AP1G1: variants seen among roughly 807,000 people sequenced by gnomAD.
AP1G1 encodes the protein adaptor related protein complex 1 subunit gamma 1.
AP1G1 carries 7 observed loss-of-function variants against 108.3 expected under a neutral mutation model. The ratio of observed to expected loss-of-function variants is 0.06; its 90% confidence interval spans 0.04 to 0.12. The LOEUF (loss-of-function observed/expected upper bound fraction) is 0.12, where lower values mean the gene tolerates loss of function less well. AP1G1 is among the 10% of genes least tolerant of loss of function. AP1G1 has a pLI of 1.00. For missense variants in AP1G1, 756 were observed against 1,010.7 expected, an observed-to-expected ratio of 0.75 and a Z score of 3.42; for synonymous variants, 379 against 353.5, an observed-to-expected ratio of 1.07 and a Z score of -0.81.
rs1471269342 is a variant in AP1G1, at chr16:71,744,402, G to GA, written c.1999+741dup. ...TTGCCCTTCAGTTGCTTTAATTACA[G>GA]AAAGTGTGAAAGGGAAGAGGTAAGT... On this transcript the variant is annotated intron_variant, in intron 19 of 22. Transcript: ENST00000299980. Among the ~76,000 whole-genome samples, 10 of 152,180 alleles carry GA rather than the reference G, an allele frequency of 6.6e-5. 1 individual carries two copies. The highest frequency in any genetic ancestry group is 3.9e-4 in the Admixed American group (6 of 15,282).
At chr16:71,788,264 T>C (rs1231422682) in intron 2 of AP1G1, among the ~76,000 whole-genome samples, 4 of 152,196 alleles carry the variant, frequency 2.6e-5, no homozygotes, top group African/African-American at 7.2e-5. Context: ...GGCAGTCTGT[T>C]CCTTAGAGAG....
At chr16:71,736,696 C>T (rs1337593623) in intron 21 of AP1G1, among the ~76,000 whole-genome samples, 1 of 151,172 alleles carries the variant, frequency 6.6e-6, no homozygotes, top group Non-Finnish European at 1.5e-5. Flanking sequence ...CGCCATTCTC[C>T]CGCCTCAGCC....
intron 5 of AP1G1, 65 bp downstream of exon 5, chr16:71,771,091 G>A (rs781644522): frequency 9.9e-7 from 1 of 1,014,410 alleles, no homozygotes; most frequent in East Asian, 2.5e-5. Context: ...GACTAACATA[G>A]CCTTAAGCCT....
chr16:71,794,319 T>C (rs1286717539), intron 1 of AP1G1, among the ~76,000 whole-genome samples: 1 of 152,220 alleles, frequency 6.6e-6, no homozygotes, highest in Non-Finnish European at 1.5e-5. Flanking sequence ...TGCTTAAGTG[T>C]TCCATATTTT....
At chr16:71,747,324 T>C (rs1195704253) in intron 16 of AP1G1, 10 of 152,170 alleles carry the variant, frequency 6.6e-5, no homozygotes, top group Admixed American at 2.6e-4. Context: ...CTATTAAGAC[T>C]TGTCAAAATA....
intron 19 of AP1G1, among the ~76,000 whole-genome samples, chr16:71,744,077 T>C (rs2030022218): frequency 1.3e-5 from 2 of 151,548 alleles, no homozygotes; most frequent in Admixed American, 1.3e-4. Flanking sequence ...ACCCCATCTC[T>C]ACTAAAAATA....
Position 71,789,348 on chromosome 16 carries a change from T to C in AP1G1, c.132A>G (p.Thr44=). The change falls in exon 2 of 23, where the codon ACA becomes ACG. Residue 44 remains threonine, a synonymous_variant. Coordinates refer to ENST00000299980, the MANE Select transcript of AP1G1 (RefSeq NM_001128.6). ...ATTTTGCCACATTCCGACATCGGTA[T>C]GTATTGTCTTCTTCTCTAAAAGATG... The part of the protein sequence containing the change: ...IRSSFREEDN[T]YRCRNVAKLL... The C allele has an allele frequency of 1.2e-6, 2 of 1,614,264 alleles. No individual in the cohort carries two copies. The highest frequency in any genetic ancestry group is 1.7e-6 in the Non-Finnish European group (2 of 1,180,050).
chr16:71,774,931 GGCTGGTCTCAAACT>G (rs1291635211), intron 2 of AP1G1, among the ~76,000 whole-genome samples: 1 of 151,432 alleles, frequency 6.6e-6, no homozygotes, highest in African/African-American at 2.4e-5. Flanking sequence ...ATGTTGGTCA[GGCTGGTCTCAAACT>G]CCTGACCTCT....
chr16:71,789,034 C>T (rs1376953942), intron 2 of AP1G1, among the ~76,000 whole-genome samples: 1 of 152,208 alleles, frequency 6.6e-6, no homozygotes, highest in Non-Finnish European at 1.5e-5. Flanking sequence ...AATCTTTAAG[C>T]AAGCTAGCTG....
intron 19 of AP1G1, chr16:71,743,453 A>C (rs1452814459): frequency 6.6e-6 from 1 of 152,124 alleles, no homozygotes; most frequent in Non-Finnish European, 1.5e-5. Flanking sequence ...AATACAAAAA[A>C]TTAGCCGGGC....
At chr16:71,780,240 C>CA (rs2031959861) in intron 2 of AP1G1, among the ~76,000 whole-genome samples, 3 of 151,996 alleles carry the variant, frequency 2.0e-5, no homozygotes, top group African/African-American at 7.2e-5. Context: ...GCAATCCACC[C>CA]GTTTTGGCCT....
At chr16:71,787,412 G>T (rs1314092170) in intron 2 of AP1G1, among the ~76,000 whole-genome samples, 1 of 151,822 alleles carries the variant, frequency 6.6e-6, no homozygotes, top group Non-Finnish European at 1.5e-5. Flanking sequence ...GAGAACTTGA[G>T]CCCAGTAGGT....
chr16:71,779,066 A>T (rs2031901772), intron 2 of AP1G1, among the ~76,000 whole-genome samples: 1 of 152,158 alleles, frequency 6.6e-6, no homozygotes, highest in South Asian at 2.1e-4. Context: ...AATTCCACAC[A>T]ATTAATGGAA....
chr16:71,745,543 G>C lies in AP1G1; in HGVS notation c.1802C>G (p.Thr601Arg). The C allele has an allele frequency of 1.9e-6, 3 of 1,614,166 alleles. No individual in the cohort carries two copies. The highest frequency in any genetic ancestry group is 2.2e-5 in the East Asian group (1 of 44,884). ...TTNGPTEIVQ[T>R]NGETEPAPLE... ...TGGAGCTGGTTCTGTCTCTCCATTT[G>C]TCTGCACAATCTCAGTAGGGCCATT... Residue 601 changes from threonine (T) to arginine (R), a missense_variant, in exon 18 of 23, where the codon ACA (threonine) becomes AGA (arginine). Coordinates refer to ENST00000299980, the MANE Select transcript of AP1G1 (RefSeq NM_001128.6).
chr16:71,735,944 A>G (rs1189865065), intron 21 of AP1G1, among the ~76,000 whole-genome samples: 1 of 150,482 alleles, frequency 6.6e-6, no homozygotes, highest in Non-Finnish European at 1.5e-5. Context: ...TAGTCTGGTC[A>G]ACATGGCAAA....
intron 1 of AP1G1, chr16:71,808,105 G>A: frequency 1.3e-5 from 15 of 1,154,066 alleles, no homozygotes; most frequent in Admixed American, 4.1e-5. Flanking sequence ...AGGCAATCAG[G>A]AAGACCGGGA....
intron 10 of AP1G1, among the ~76,000 whole-genome samples, chr16:71,760,202 C>G (rs2031010110): frequency 6.7e-6 from 1 of 149,742 alleles, no homozygotes; most frequent in Non-Finnish European, 1.5e-5. Context: ...GAAGATAACT[C>G]AGGGTGCCAC....
intron 2 of AP1G1, among the ~76,000 whole-genome samples, chr16:71,779,064 A>G (rs1237308975): frequency 6.6e-6 from 1 of 152,198 alleles, no homozygotes; most frequent in Non-Finnish European, 1.5e-5. Flanking sequence ...CAAATTCCAC[A>G]CAATTAATGG....
intron 13 of AP1G1, 106 bp downstream of exon 13, chr16:71,753,726 AC>A: frequency 1.1e-6 from 1 of 924,660 alleles, no homozygotes; most frequent in African/African-American, 1.7e-5. Flanking sequence ...CATTAATGTT[AC>A]CTATTTACTT....
Sources: allele counts gnomAD v4.1 joint callset (sites outside exome capture counted in the v4.1 genomes callset), GRCh38; gene constraint gnomAD v4.1.1; transcripts MANE v1.5; gene names NCBI Gene and HGNC (gene_info 2026-07-23, HGNC 2026-07-21).